Variants in ACTN2 observed in about 807,000 individuals in gnomAD.
The protein encoded by ACTN2 is alpha-actinin-2.
Under a neutral mutation model 113.8 loss-of-function variants are expected in ACTN2, and 39 were observed. That is an observed-to-expected ratio of 0.34 (90% CI 0.27 to 0.45). The LOEUF (loss-of-function observed/expected upper bound fraction) is 0.45, where lower values mean the gene tolerates loss of function less well. Ranked by LOEUF, ACTN2 falls within the 20% of genes least tolerant of loss-of-function variation. ACTN2 has a pLI of 1.00. For synonymous variants in ACTN2, 429 were observed against 444.1 expected, an observed-to-expected ratio of 0.97 and a Z score of 0.43; for missense variants, 992 against 1,177.9, an observed-to-expected ratio of 0.84 and a Z score of 2.31.
rs201443636 is a variant in ACTN2 at position 236,702,132 on chromosome 1, T to TA, written c.126+15340dup. 6.4e-3 allele frequency among the ~76,000 whole-genome samples: 979 copies of TA among 152,292 alleles called. 7 individuals carry two copies. The highest frequency in any genetic ancestry group is 0.019 in the African/African-American group (789 of 41,558). On this transcript the variant is annotated intron_variant, in intron 1 of 20. Coordinates refer to ENST00000366578, the MANE Select transcript of ACTN2 (RefSeq NM_001103.4). Reference sequence around the variant, plus strand: ...AAACAGGGATTTGAATGTGAAGCTGTAAAAAAAGTCTTGAAGTAGCGCTTC... The same window carrying TA: ...AAACAGGGATTTGAATGTGAAGCTGTAAAAAAAAGTCTTGAAGTAGCGCTTC...
In ACTN2 at chr1:236,760,587, T is replaced by C. The variant is rs77188149; in HGVS notation, c.2368-428T>C. On this transcript the variant is annotated intron_variant, in intron 19 of 20. Transcript: ENST00000366578. Reference sequence around the variant, plus strand: ...TACCCATTAATGAGTATTTTTAACCTGGCCTCCCTTGATTCTCTTTGGGAC... The same window carrying C: ...TACCCATTAATGAGTATTTTTAACCCGGCCTCCCTTGATTCTCTTTGGGAC... Among the ~76,000 whole-genome samples, 613 of 152,342 alleles carry C rather than the reference T, an allele frequency of 4.0e-3. 27 individuals carry two copies. The East Asian group carries it at 0.094, about 23-fold the overall frequency.
rs886320797 is a variant in ACTN2, at chr1:236,764,557, A to G, written c.*1938A>G. The G allele has an allele frequency of 3.9e-5, 6 of 152,298 alleles. No individual in the cohort carries two copies. The East Asian group carries it at 1.2e-3, about 29-fold the overall frequency. 9.4% of individuals were successfully genotyped at this position (152,298 alleles called of 1,614,324 possible). A position where few individuals can be genotyped will look rare whatever the true frequency, so the allele number is the denominator to read the frequency against. Reference sequence around the variant, plus strand: ...TACTCTCATTTTAGGTATTATTTTTATTTCTGAAGCTGGATGCTCAAAAAT... The same window carrying G: ...TACTCTCATTTTAGGTATTATTTTTGTTTCTGAAGCTGGATGCTCAAAAAT... On this transcript the variant is annotated 3_prime_UTR_variant, in exon 21 of 21. Transcript: ENST00000366578.
At chr1:236,761,915 C>A (rs1396156152) in intron 20 of ACTN2, among the ~76,000 whole-genome samples, 1 of 152,028 alleles carries the variant, frequency 6.6e-6, no homozygotes, top group African/African-American at 2.4e-5. Context: ...TAAAATGAAT[C>A]ATTTACCCAT....
intron 7 of ACTN2, among the ~76,000 whole-genome samples, chr1:236,735,025 C>T (rs893225113): frequency 6.6e-6 from 1 of 152,142 alleles, no homozygotes; most frequent in African/African-American, 2.4e-5. Flanking sequence ...AGACCCTTCT[C>T]TTTAGATGTT....
At chr1:236,751,861 G>A (rs1659406251) in intron 15 of ACTN2, among the ~76,000 whole-genome samples, 2 of 152,248 alleles carry the variant, frequency 1.3e-5, no homozygotes, top group South Asian at 4.2e-4. Context: ...AGAAAGCAGA[G>A]ATTATTTTAC....
At chr1:236,745,163 G>C (rs369962731) in intron 12 of ACTN2, among the ~76,000 whole-genome samples, 1 of 152,112 alleles carries the variant, frequency 6.6e-6, no homozygotes, top group African/African-American at 2.4e-5. Flanking sequence ...GGCCGGGCGC[G>C]GTGGCTCACG....
rs1658598994 is a variant in ACTN2, at chr1:236,727,832, C to T, written c.615+76C>T. 3 of 1,441,132 alleles carry T rather than the reference C, an allele frequency of 2.1e-6. No individual in the cohort carries two copies. The African/African-American group carries it at 4.2e-5, about 20-fold the overall frequency. 89.3% of individuals were successfully genotyped at this position (1,441,132 alleles called of 1,614,324 possible). A position where few individuals can be genotyped will look rare whatever the true frequency, so the allele number is the denominator to read the frequency against. On this transcript the variant is annotated intron_variant, in intron 6 of 20. Coordinates refer to ENST00000366578, the MANE Select transcript of ACTN2 (RefSeq NM_001103.4). ...TGTCCTGCAAATGAGCACATCAGCA[C>T]TAGCCTAGCACAAACCCCAGGGCCA...
chr1:236,688,340 T>C (rs1665948272), intron 1 of ACTN2, among the ~76,000 whole-genome samples: 1 of 151,914 alleles, frequency 6.6e-6, no homozygotes, highest in Non-Finnish European at 1.5e-5. Flanking sequence ...CCATCATTTT[T>C]GAAAGTGATG....
Position 236,763,066 on chromosome 1 carries a change from C to T in ACTN2, c.*447C>T, listed in dbSNP as rs1051253. 1 of 260,962 alleles carries T rather than the reference C, an allele frequency of 3.8e-6. No homozygotes were observed. Among genetic ancestry groups the T allele is most frequent in the South Asian group, 4.3e-5 (1 of 23,068 alleles). 16.2% of individuals were successfully genotyped at this position (260,962 alleles called of 1,614,324 possible). On this transcript the variant is annotated 3_prime_UTR_variant, in exon 21 of 21. Coordinates refer to ENST00000366578, the MANE Select transcript of ACTN2 (RefSeq NM_001103.4). ...TATCTCTAATATGCTTATGTGATTG[C>T]CCCTAGGGGAGTATATTTGGGATTC... is the stretch of plus-strand genomic sequence containing the variant.
chr1:236,737,309 A>ATC (rs1658915252), intron 9 of ACTN2, 95 bp downstream of exon 9: 1 of 300,284 alleles, frequency 3.3e-6, no homozygotes, highest in Non-Finnish European at 6.8e-6. Context: ...ATATATATAT[A>ATC]TATATATATT....
In ACTN2 at chr1:236,762,552, G is replaced by T. The variant is rs1214226542; in HGVS notation, c.2618G>T (p.Gly873Val). ...AGGATGCCCGCCTACTCGGGCCCAG[G>T]CAGTGTGCCTGGTGCACTGGATTAC... ...IKRMPAYSGP[G>V]SVPGALDYAA... The change falls in exon 21 of 21, where the codon GGC becomes GTC. Residue 873 changes from glycine to valine, a missense_variant. Coordinates refer to ENST00000366578, the MANE Select transcript of ACTN2 (RefSeq NM_001103.4). 1.2e-6 allele frequency: 2 copies of T among 1,614,066 alleles called. No individual in the cohort carries two copies. Among genetic ancestry groups the T allele is most frequent in the African/African-American group, 2.7e-5 (2 of 74,918 alleles).
intron 5 of ACTN2, 84 bp from the exon 6 acceptor site, chr1:236,727,594 G>T: frequency 7.0e-7 from 1 of 1,434,966 alleles, no homozygotes. Flanking sequence ...ACAGAAGGAA[G>T]GCCAACATCT....
chr1:236,690,711 G>C (rs1436119576), intron 1 of ACTN2, among the ~76,000 whole-genome samples: 1 of 152,164 alleles, frequency 6.6e-6, no homozygotes, highest in Non-Finnish European at 1.5e-5. Flanking sequence ...GTGAGCATGA[G>C]ATTTGGCCCT....
chr1:236,697,215 A>G (rs1362623033), intron 1 of ACTN2, among the ~76,000 whole-genome samples: 1 of 152,100 alleles, frequency 6.6e-6, no homozygotes, highest in Non-Finnish European at 1.5e-5. Context: ...ATGCCCAGCT[A>G]CTCAGGAGGC....
intron 1 of ACTN2, among the ~76,000 whole-genome samples, chr1:236,704,722 G>T (rs1421231185): frequency 6.6e-6 from 1 of 152,272 alleles, no homozygotes; most frequent in South Asian, 2.1e-4. Context: ...CCAGCAGGTC[G>T]CCCTCCAGGA....
intron 4 of ACTN2, among the ~76,000 whole-genome samples, chr1:236,724,782 G>A (rs1483697044): frequency 1.3e-5 from 2 of 151,970 alleles, no homozygotes; most frequent in African/African-American, 4.8e-5. Flanking sequence ...AGCTGAAGCC[G>A]TGGGACGTCT....
At chr1:236,687,170 C>A (rs1225852222) in intron 1 of ACTN2, among the ~76,000 whole-genome samples, 1 of 152,138 alleles carries the variant, frequency 6.6e-6, no homozygotes, top group Non-Finnish European at 1.5e-5. Context: ...TTACCCCAGC[C>A]TCTCTCTTCC....
chr1:236,759,835 A>T, intron 19 of ACTN2, 46 bp downstream of exon 19: 9 of 1,567,522 alleles, frequency 5.7e-6, no homozygotes, highest in African/African-American at 5.4e-5. Context: ...ATTTTATTGA[A>T]TTTGGATTTC....
Position 236,721,026 on chromosome 1 carries a change from T to C in ACTN2, c.448+835T>C, listed in dbSNP as rs1247523755. ...TGACTCTGGTTTTTGTTTTTTGTTTTTTTTTTTTTTTTTTTTTTTGAGACG... is the reference window on the plus strand; with the variant it reads ...TGACTCTGGTTTTTGTTTTTTGTTTCTTTTTTTTTTTTTTTTTTTGAGACG... On this transcript the variant is annotated intron_variant, in intron 4 of 20. Coordinates refer to ENST00000366578, the MANE Select transcript of ACTN2 (RefSeq NM_001103.4). Among the ~76,000 whole-genome samples, 7 of 94,852 alleles carry C rather than the reference T, an allele frequency of 7.4e-5. No individual in the cohort carries two copies. In the East Asian group the frequency reaches 2.8e-3, roughly 38 times the overall value. The allele number at this position is 94,852 out of a possible 152,430, so 62.2% of individuals were successfully genotyped here.
Sources: gnomAD v4.1 joint callset for allele counts (sites outside exome capture counted in the v4.1 genomes callset) on GRCh38, gnomAD v4.1.1 for gene constraint, MANE v1.5 for transcripts, NCBI Gene and HGNC (gene_info 2026-07-23, HGNC 2026-07-21) for gene names.